Variants in GRIN2A observed in about 807,000 individuals in gnomAD.
GRIN2A encodes glutamate ionotropic receptor NMDA type subunit 2A, also known as glutamate receptor ionotropic, NMDA 2A.
In GRIN2A, 22 loss-of-function variants were observed where a neutral mutation model predicts 113.4. The ratio of observed to expected loss-of-function variants is 0.19; its 90% CI spans 0.14 to 0.28. The LOEUF is 0.28. Ranked by LOEUF, GRIN2A falls within the 10% of genes least tolerant of loss-of-function variation. The pLI, the probability that GRIN2A is intolerant of heterozygous loss-of-function variation, is 1.00. For synonymous variants in GRIN2A, 827 were observed against 738.4 expected, an observed-to-expected ratio of 1.12 and a Z score of -1.94; for missense variants, 1,502 against 1,887.0, an observed-to-expected ratio of 0.80 and a Z score of 3.78.
At chr16:9,811,831 C>T (rs2042092237) in intron 10 of GRIN2A, among the ~76,000 whole-genome samples, 1 of 152,194 alleles carries the variant, frequency 6.6e-6, no homozygotes, top group African/African-American at 2.4e-5. Flanking sequence ...GTTCCTGCTT[C>T]TTCACAGTTC....
At chr16:10,020,483 G>A (rs1280154541) in intron 2 of GRIN2A, among the ~76,000 whole-genome samples, 3 of 152,192 alleles carry the variant, frequency 2.0e-5, no homozygotes, top group African/African-American at 2.4e-5. Context: ...AGTTCTGCAC[G>A]TTATTATTTC....
intron 2 of GRIN2A, among the ~76,000 whole-genome samples, chr16:10,127,698 T>C (rs1208215862): frequency 6.6e-6 from 1 of 152,202 alleles, no homozygotes; most frequent in Non-Finnish European, 1.5e-5. Context: ...CAATAAATAT[T>C]TGTGGAATTG....
At chr16:10,092,806 C>T (rs971827830) in intron 2 of GRIN2A, among the ~76,000 whole-genome samples, 3 of 151,024 alleles carry the variant, frequency 2.0e-5, no homozygotes, top group African/African-American at 7.3e-5. Context: ...TACTCAGAGG[C>T]ATTAAATCTC....
chr16:10,004,375 C>A (rs529676228), intron 2 of GRIN2A, among the ~76,000 whole-genome samples: 3 of 150,716 alleles, frequency 2.0e-5, no homozygotes, highest in East Asian at 1.9e-4. Flanking sequence ...GGTGACAGAG[C>A]GAGACTCCAT....
chr16:10,147,266 G>C (rs890253639), intron 2 of GRIN2A, among the ~76,000 whole-genome samples: 1 of 151,840 alleles, frequency 6.6e-6, no homozygotes, highest in African/African-American at 2.4e-5. Context: ...ATAACGTCAC[G>C]TTCAAAGACT....
At position 9,834,187 on chromosome 16, in the gene GRIN2A, C is replaced by G. The variant is rs1485070079; in HGVS notation, c.1695G>C (p.Leu565=). Residue 565 remains leucine, a synonymous_variant, in exon 8 of 13, where the codon CTG becomes CTC. Coordinates refer to ENST00000330684, the MANE Select transcript of GRIN2A (RefSeq NM_001134407.3). The part of the protein sequence containing the change: ...ASVWVMMFVM[L]LIVSAIAVFV... ...AAACAGCTATGGCAGAAACAATGAG[C>G]AGCATCACAAACATCATCACCCAGA... 13 of 1,613,386 alleles carry G rather than the reference C, an allele frequency of 8.1e-6. No individual in the cohort carries two copies. In the South Asian group the frequency reaches 1.2e-4, roughly 15 times the overall value.
At chr16:9,867,546 C>T (rs1005922250) in intron 4 of GRIN2A, among the ~76,000 whole-genome samples, 1 of 152,208 alleles carries the variant, frequency 6.6e-6, no homozygotes, top group African/African-American at 2.4e-5. Flanking sequence ...TAGATACATT[C>T]TCTTCTGCAC....
chr16:9,914,904 GCTTTTTTTTTTTTTTTTTTTTTTTTTT>G (rs1180529552), intron 3 of GRIN2A, among the ~76,000 whole-genome samples: 9 of 48,716 alleles, frequency 1.8e-4, no homozygotes, highest in African/African-American at 5.6e-4. Flanking sequence ...TGATTATGCA[GCTTTTTTTTTTTTTTTTTTTTTTTTTT>G]TTTTTTTTTT....
intron 10 of GRIN2A, among the ~76,000 whole-genome samples, chr16:9,817,521 G>C (rs533109843): frequency 6.6e-6 from 1 of 152,326 alleles, no homozygotes; most frequent in South Asian, 2.1e-4. Context: ...TGGTTTGTCT[G>C]AGTCTTCCTA....
intron 2 of GRIN2A, among the ~76,000 whole-genome samples, chr16:10,021,380 G>A (rs933349974): frequency 3.9e-5 from 6 of 152,168 alleles, no homozygotes; most frequent in East Asian, 3.9e-4. Flanking sequence ...GGAAAATGAC[G>A]CCCAGAAAGG....
At chr16:9,766,177 A>G (rs1190012673) in intron 12 of GRIN2A, among the ~76,000 whole-genome samples, 4 of 152,152 alleles carry the variant, frequency 2.6e-5, no homozygotes, top group South Asian at 2.1e-4. Flanking sequence ...GAGCCAAACT[A>G]TGAAGGGGTT....
At chr16:10,021,693 G>T (rs896232347) in intron 2 of GRIN2A, among the ~76,000 whole-genome samples, 2 of 152,132 alleles carry the variant, frequency 1.3e-5, no homozygotes, top group Admixed American at 1.3e-4. Context: ...CAGGTGGAAA[G>T]AAAAGCATAT....
At chr16:10,041,555 C>T (rs1011806454) in intron 2 of GRIN2A, among the ~76,000 whole-genome samples, 1 of 152,098 alleles carries the variant, frequency 6.6e-6, no homozygotes, top group Non-Finnish European at 1.5e-5. Flanking sequence ...CTGAGTGGGG[C>T]CTCTTCCTAG....
chr16:10,163,638 C>T (rs1468409675), intron 2 of GRIN2A, among the ~76,000 whole-genome samples: 1 of 151,710 alleles, frequency 6.6e-6, no homozygotes, highest in African/African-American at 2.4e-5. Context: ...TGGGAACCCC[C>T]TACCTCCCCA....
At chr16:10,046,763 T>C (rs1567259859) in intron 2 of GRIN2A, among the ~76,000 whole-genome samples, 1 of 152,188 alleles carries the variant, frequency 6.6e-6, no homozygotes, top group Non-Finnish European at 1.5e-5. Context: ...TGAAAATGCA[T>C]AATAAACTCC....
Position 10,179,991 on chromosome 16 carries a change from G to A in GRIN2A, c.414+7C>T, listed in dbSNP as rs748888605. ...GGTCCTGGCAGGGCATCAGTTTCCGGCCTTACCTTGTCAGCCATGATCATA... is the reference window on the plus strand; with the variant it reads ...GGTCCTGGCAGGGCATCAGTTTCCGACCTTACCTTGTCAGCCATGATCATA... On this transcript the variant is annotated splice_region_variant and intron_variant, in intron 2 of 12. Transcript: ENST00000330684. The A allele has an allele frequency of 8.7e-6, 14 of 1,613,576 alleles. No individual in the cohort carries two copies. The Middle Eastern group carries it at 4.9e-4, about 57-fold the overall frequency.
intron 2 of GRIN2A, among the ~76,000 whole-genome samples, chr16:10,002,649 G>C (rs62033385): frequency 6.6e-6 from 1 of 152,164 alleles, no homozygotes; most frequent in Admixed American, 6.5e-5. Flanking sequence ...GATGAGCGAA[G>C]GGTTACCACC....
chr16:9,943,050 A>G (rs908492280), intron 2 of GRIN2A: 1 of 152,254 alleles, frequency 6.6e-6, no homozygotes, highest in Non-Finnish European at 1.5e-5. Context: ...CCTGGCGTCC[A>G]ATATGCCAAA....
At position 9,849,312 on chromosome 16, in the gene GRIN2A, T is replaced by G. The variant is rs569323188; in HGVS notation, c.1328+444A>C. Among the ~76,000 whole-genome samples the G allele has an allele frequency of 1.5e-4, 23 of 150,182 alleles. No homozygotes were observed. In the South Asian group the frequency reaches 4.4e-3, roughly 29 times the overall value. ...TTCTATATTAAAAATATAAAGATAT[T>G]TTTTGAATATGTATGTTCAAAAATA... On this transcript the variant is annotated intron_variant, in intron 5 of 12. Coordinates refer to ENST00000330684, the MANE Select transcript of GRIN2A (RefSeq NM_001134407.3).
Sources: gnomAD v4.1 joint callset for allele counts (sites outside exome capture counted in the v4.1 genomes callset) on GRCh38, gnomAD v4.1.1 for gene constraint, MANE v1.5 for transcripts, NCBI Gene and HGNC (gene_info 2026-07-23, HGNC 2026-07-21) for gene names.